Variants in CSN3 observed in about 807,000 individuals in gnomAD.
CSN3 encodes casein kappa, also known as kappa-casein.
CSN3 carries 7 observed loss-of-function variants against 9.9 expected under a neutral mutation model. The observed-to-expected ratio is 0.71, with a 90% CI of 0.40 to 1.33. CSN3 has a LOEUF of 1.33. Among genes scored for constraint, CSN3 ranks in the 40% most tolerant of loss-of-function variants. The pLI, the probability that CSN3 is intolerant of heterozygous loss-of-function variation, is 0.01. For synonymous variants in CSN3, 88 were observed against 82.3 expected (o/e 1.07, Z -0.37); for missense variants, 253 against 227.9 (o/e 1.11, Z -0.71).
At chr4:70,244,788 AT>A (rs140888032) in intron 1 of CSN3, 23 bp from the exon 2 acceptor site, 183,622 of 1,385,084 alleles carry the variant, frequency 0.13, 14,197 homozygotes, top group East Asian at 0.3. Flanking sequence ...TTTTAAATTA[AT>A]TTTTTTTTAA....
exon 4 of CSN3, chr4:70,249,275 C>A (rs1316499422): frequency 1.1e-5 from 18 of 1,613,980 alleles, no homozygotes; most frequent in Non-Finnish European, 1.4e-5. Flanking sequence ...GCCATCCCCC[C>A]AAAGAAAATT....
intron 2 of CSN3, among the ~76,000 whole-genome samples, chr4:70,246,182 C>T (rs6838077): frequency 6.6e-6 from 1 of 151,944 alleles, no homozygotes; most frequent in African/African-American, 2.4e-5. Flanking sequence ...TCCCTTCCCC[C>T]AAAATAAAAA....
intron 3 of CSN3, among the ~76,000 whole-genome samples, 175 bp downstream of exon 3, chr4:70,248,025 G>A (rs985497672): frequency 1.3e-5 from 2 of 152,042 alleles, no homozygotes; most frequent in South Asian, 4.1e-4. Flanking sequence ...AATCAACATT[G>A]ATGTTCATCT....
upstream of CSN3, among the ~76,000 whole-genome samples, chr4:70,239,112 G>A (rs1730225189): frequency 6.6e-6 from 1 of 151,820 alleles, no homozygotes; most frequent in Admixed American, 6.6e-5. Flanking sequence ...AAAAGATAGA[G>A]TGGTGGTGGA....
At chr4:70,240,432 C>T (rs944413206), upstream of CSN3, among the ~76,000 whole-genome samples, 2 of 151,882 alleles carry the variant, frequency 1.3e-5, no homozygotes, top group Admixed American at 6.6e-5. Context: ...CAGGCCATGC[C>T]CCTGTTGATG....
intron 2 of CSN3, among the ~76,000 whole-genome samples, chr4:70,246,607 G>A (rs1035127851): frequency 2.7e-5 from 4 of 150,680 alleles, no homozygotes; most frequent in South Asian, 2.1e-4. Flanking sequence ...GGTTGATATC[G>A]CATTAAGGTA....
chr4:70,243,342 TA>T (rs1211652453), intron 1 of CSN3: 1 of 170,632 alleles, frequency 5.9e-6, no homozygotes, highest in Non-Finnish European at 1.2e-5. Context: ...TCTATAATCC[TA>T]AAAGATCACT....
chr4:70,241,161 C>T (rs369266711), upstream of CSN3, among the ~76,000 whole-genome samples: 14 of 151,842 alleles, frequency 9.2e-5, no homozygotes, highest in East Asian at 9.7e-4. Flanking sequence ...GAGGAATGAC[C>T]GGATCATGAT....
intron 3 of CSN3, 98 bp from the exon 4 acceptor site, chr4:70,248,900 A>C: frequency 1.2e-6 from 1 of 809,178 alleles, no homozygotes; most frequent in Admixed American, 3.0e-5. Context: ...ATCTTACTCA[A>C]TGGTAAATAC....
chr4:70,247,714 A>T (rs373296060), intron 2 of CSN3, 104 bp from the exon 3 acceptor site: 3 of 962,536 alleles, frequency 3.1e-6, no homozygotes. Flanking sequence ...ATAAAAAGAA[A>T]ACATATTTTG....
At chr4:70,241,728 T>C (rs1730273567), upstream of CSN3, among the ~76,000 whole-genome samples, 1 of 63,994 alleles carries the variant, frequency 1.6e-5, no homozygotes, top group Non-Finnish European at 3.0e-5. Flanking sequence ...AATTCAATAA[T>C]TTAATAATTT....
chr4:70,238,561 T>C (rs555916932), upstream of CSN3, among the ~76,000 whole-genome samples: 2 of 152,064 alleles, frequency 1.3e-5, no homozygotes, highest in African/African-American at 4.8e-5. Context: ...ATCAGAAGAA[T>C]AATCATATCA....
intron 2 of CSN3, among the ~76,000 whole-genome samples, chr4:70,246,198 A>C (rs1730373555): frequency 6.6e-6 from 1 of 152,210 alleles, no homozygotes; most frequent in South Asian, 2.1e-4. Flanking sequence ...AAAAATAGTT[A>C]GATAATATTT....
intron 2 of CSN3, among the ~76,000 whole-genome samples, chr4:70,247,049 C>G (rs1578254293): frequency 6.6e-6 from 1 of 152,090 alleles, no homozygotes; most frequent in Admixed American, 6.6e-5. Context: ...AGCAAGGAAA[C>G]TTTATTACCT....
Position 70,245,047 on chromosome 4 carries a change from C to T in CSN3, c.54+174C>T, listed in dbSNP as rs140151261. Among the ~76,000 whole-genome samples, 46 of 152,022 alleles carry T rather than the reference C, an allele frequency of 3.0e-4. No homozygotes were observed. In the East Asian group the frequency reaches 8.7e-3, roughly 29 times the overall value. ...TTTATTTCTATTATGAAATCAAAGT[C>T]ATGTTCTTTTGGATATCCATTTAGT... is the stretch of plus-strand genomic sequence containing the variant. On this transcript the variant is annotated intron_variant, in intron 2 of 4. Coordinates refer to ENST00000304954, the Ensembl canonical transcript of CSN3.
At chr4:70,247,847 A>G in exon 3 of CSN3, 1 of 1,598,012 alleles carries the variant, frequency 6.3e-7, no homozygotes, top group Non-Finnish European at 8.5e-7. Context: ...AGAAACAACC[A>G]GCAGTAAGTC....
rs551924459 is a variant in CSN3, at chr4:70,245,798, C to T, written c.54+925C>T. On this transcript the variant is annotated intron_variant, in intron 2 of 4. Transcript: ENST00000304954. The stretch of plus-strand genomic sequence containing the variant: ...ACCTGCATGTTGTGCTTGTGTATAA[C>T]ATGTCCATTAATTCTATTAGGTCAA... Among the ~76,000 whole-genome samples the T allele has an allele frequency of 6.6e-5, 10 of 152,224 alleles. No homozygotes were observed. The South Asian group carries it at 2.1e-3, about 32-fold the overall frequency.
At chr4:70,239,004 T>C (rs1012239318), upstream of CSN3, among the ~76,000 whole-genome samples, 5 of 151,904 alleles carry the variant, frequency 3.3e-5, no homozygotes, top group South Asian at 2.1e-4. Flanking sequence ...TATTGGATAC[T>C]TGAATCTACA....
At chr4:70,242,945 A>G (rs1327171592) in intron 1 of CSN3, among the ~76,000 whole-genome samples, 1 of 152,178 alleles carries the variant, frequency 6.6e-6, no homozygotes, top group Non-Finnish European at 1.5e-5. Context: ...CGTTTAACGT[A>G]TTCCTACAGA....
Sources: gnomAD v4.1 joint callset for allele counts (sites outside exome capture counted in the v4.1 genomes callset) on GRCh38, gnomAD v4.1.1 for gene constraint, MANE v1.5 for transcripts, NCBI Gene and HGNC (gene_info 2026-07-23, HGNC 2026-07-21) for gene names.